ZCWPW1: variants seen among roughly 807,000 people sequenced by gnomAD.
The protein encoded by ZCWPW1 is zinc finger CW-type and PWWP domain containing 1.
ZCWPW1 carries 56 observed loss-of-function variants against 81.3 expected under a neutral mutation model. The observed-to-expected ratio is 0.69, with a 90% CI of 0.56 to 0.86. The LOEUF (loss-of-function observed/expected upper bound fraction) is 0.86. Among genes scored for constraint, ZCWPW1 ranks in the 40% least tolerant of loss-of-function variants. The pLI, the probability that ZCWPW1 is intolerant of heterozygous loss-of-function variation, is 0.00. For missense variants in ZCWPW1, 650 were observed against 769.8 expected (o/e 0.84, Z 1.84); for synonymous variants, 250 against 273.7 (o/e 0.91, Z 0.86).
At position 100,406,230 on chromosome 7, in the gene ZCWPW1, G is replaced by C. The variant is rs529087474; in HGVS notation, c.1173+464C>G. 7.9e-5 allele frequency among the ~76,000 whole-genome samples: 12 copies of C among 152,292 alleles called. No individual in the cohort carries two copies. The South Asian group carries it at 8.3e-4, about 11-fold the overall frequency. On this transcript the variant is annotated intron_variant, in intron 12 of 17. Coordinates refer to ENST00000684423, the MANE Select transcript of ZCWPW1 (RefSeq NM_001386010.1). Reference sequence around the variant, plus strand: ...CAGAAGGCACCTGGCAATGGCTGGAGATAATTTTTTGGTTGTCACAACCAT... The same window carrying C: ...CAGAAGGCACCTGGCAATGGCTGGACATAATTTTTTGGTTGTCACAACCAT...
intron 8 of ZCWPW1, 139 bp downstream of exon 8, chr7:100,415,836 C>T (rs1026575762): frequency 6.0e-6 from 7 of 1,173,982 alleles, no homozygotes; most frequent in African/African-American, 1.5e-5. Flanking sequence ...ATTATTCTTT[C>T]GGCAGCATAT....
At chr7:100,415,194 C>T (rs1364756990) in intron 8 of ZCWPW1, among the ~76,000 whole-genome samples, 1 of 148,910 alleles carries the variant, frequency 6.7e-6, no homozygotes, top group African/African-American at 2.5e-5. Flanking sequence ...AGCGATTCTC[C>T]TGCCTCAGCC....
At chr7:100,408,942 G>A (rs1054338551) in intron 9 of ZCWPW1, among the ~76,000 whole-genome samples, 5 of 151,934 alleles carry the variant, frequency 3.3e-5, no homozygotes, top group Admixed American at 1.3e-4. Context: ...TTGCATGCCC[G>A]CGTGTCTGAC....
At chr7:100,422,388 G>C (rs553477049) in intron 2 of ZCWPW1, among the ~76,000 whole-genome samples, 1 of 152,298 alleles carries the variant, frequency 6.6e-6, no homozygotes, top group Admixed American at 6.5e-5. Flanking sequence ...GGACCAGGCT[G>C]CTCACAGCCA....
intron 2 of ZCWPW1, among the ~76,000 whole-genome samples, chr7:100,422,772 T>G: frequency 6.6e-6 from 1 of 152,160 alleles, no homozygotes; most frequent in Non-Finnish European, 1.5e-5. Flanking sequence ...TATTGTTCCC[T>G]TCTTTGTGTC....
rs369334842 is a variant in ZCWPW1 at position 100,426,620 on chromosome 7, CCTCCCTCCCTCTCACTTTTT to C, written c.-136-1504_-136-1485del. Among the ~76,000 whole-genome samples, 1,349 of 150,878 alleles carry C rather than the reference CCTCCCTCCCTCTCACTTTTT, an allele frequency of 8.9e-3. 24 individuals carry two copies. The highest frequency in any genetic ancestry group is 0.031 in the African/African-American group (1,271 of 40,966). On this transcript the variant is annotated intron_variant, in intron 1 of 17. Transcript: ENST00000684423. ...TGCCTCAATTAACTAATAGCAGTTT[CCTCCCTCCCTCTCACTTTTT>C]CTCCCTCCCTCTCTCCCTCCTTTAC...
At position 100,402,558 on chromosome 7, in the gene ZCWPW1, G is replaced by A. The variant is rs541595434; in HGVS notation, c.1432C>T (p.Arg478Cys). The change falls in exon 16 of 18, where the codon CGT (arginine) becomes TGT (cysteine). Residue 478 changes from arginine (R) to cysteine (C), a missense_variant. By Grantham distance (180) the Arg-to-Cys change is radical (BLOSUM62 -3). Transcript: ENST00000684423. ...GEKTDPILPI[R>C]KRVKIQTQKT... is the part of the protein sequence containing the mutation. ...TGGGTCTGTATTTTGACTCGCTTAC[G>A]AATGGGCAAAATTGGGTCCTGAGGA... 16 of 1,614,094 alleles carry A rather than the reference G, an allele frequency of 9.9e-6. No individual in the cohort carries two copies. Among genetic ancestry groups the A allele is most frequent in the Admixed American group, 1.7e-5 (1 of 60,002 alleles).
chr7:100,402,516 C>T lies in ZCWPW1; in HGVS notation c.1474G>A (p.Gly492Arg), dbSNP rs867660952. The T allele has an allele frequency of 3.7e-6, 6 of 1,614,070 alleles. No individual in the cohort carries two copies. The highest frequency in any genetic ancestry group is 5.1e-6 in the Non-Finnish European group (6 of 1,180,018). Residue 492 changes from glycine (G) to arginine (R), a missense_variant and splice_region_variant, in exon 16 of 18, where the codon GGG (glycine) becomes AGG (arginine). By Grantham distance (125) the Gly-to-Arg change is moderately radical. Coordinates refer to ENST00000684423, the MANE Select transcript of ZCWPW1 (RefSeq NM_001386010.1). ...CTCCATTTCCAGCTGGCCTGCTTAC[C>T]TCTTGGCTTGGTTTTTTGGGTCTGT... ...KIQTQKTKPR[G>R]LGGDAGTADG...
chr7:100,411,657 T>C (rs1169759346), intron 8 of ZCWPW1, among the ~76,000 whole-genome samples: 2 of 152,114 alleles, frequency 1.3e-5, no homozygotes, highest in African/African-American at 4.8e-5. Flanking sequence ...TTTGGATGTT[T>C]ACAGAGGTGA....
intron 10 of ZCWPW1, 26 bp from the exon 11 acceptor site, chr7:100,407,329 G>A: frequency 6.3e-7 from 1 of 1,598,768 alleles, no homozygotes; most frequent in Non-Finnish European, 8.6e-7. Flanking sequence ...GGGTGTAGGG[G>A]ACAGAAGAGA....
At chr7:100,413,320 T>C (rs1283407106) in intron 8 of ZCWPW1, among the ~76,000 whole-genome samples, 1 of 152,238 alleles carries the variant, frequency 6.6e-6, no homozygotes, top group East Asian at 1.9e-4. Flanking sequence ...TGCCTCCCCT[T>C]GCTCTCTGAG....
intron 2 of ZCWPW1, among the ~76,000 whole-genome samples, chr7:100,422,769 C>T (rs1042000670): frequency 6.6e-6 from 1 of 152,106 alleles, no homozygotes; most frequent in Non-Finnish European, 1.5e-5. Flanking sequence ...GTCTATTGTT[C>T]CCTTCTTTGT....
intron 5 of ZCWPW1, chr7:100,417,437 G>A: frequency 2.4e-6 from 1 of 408,290 alleles, no homozygotes; most frequent in Non-Finnish European, 4.4e-6. Context: ...AAAATTATAG[G>A]CCAGGCATGG....
chr7:100,404,336 CTGATT>C, intron 13 of ZCWPW1, 92 bp from the exon 14 acceptor site: 1 of 1,173,880 alleles, frequency 8.5e-7, no homozygotes, highest in Non-Finnish European at 1.2e-6. Flanking sequence ...TGATGAAATT[CTGATT>C]CATTTTCCAT....
At chr7:100,402,146 GT>G in intron 16 of ZCWPW1, 105 bp from the exon 17 acceptor site, 1 of 1,421,418 alleles carries the variant, frequency 7.0e-7, no homozygotes, top group Non-Finnish European at 9.5e-7. Context: ...CTTCTGCTCA[GT>G]TGCAATCTAG....
At chr7:100,417,299 C>A in intron 5 of ZCWPW1, 116 bp from the exon 6 acceptor site, 1 of 668,074 alleles carries the variant, frequency 1.5e-6, no homozygotes, top group South Asian at 2.0e-5. Context: ...GCCTACCTGT[C>A]ATATCACAGA....
At chr7:100,410,711 C>T (rs758487414) in intron 8 of ZCWPW1, among the ~76,000 whole-genome samples, 1 of 152,220 alleles carries the variant, frequency 6.6e-6, no homozygotes, top group East Asian at 1.9e-4. Context: ...TCTGCAGGAA[C>T]TGCACACCCT....
intron 4 of ZCWPW1, 135 bp from the exon 5 acceptor site, chr7:100,419,324 G>T: frequency 1.3e-6 from 1 of 784,292 alleles, no homozygotes; most frequent in Non-Finnish European, 2.0e-6. Context: ...TACCTAAGGA[G>T]GCCATGAACT....
rs867463264 is a variant in ZCWPW1, at chr7:100,426,526, C to T, written c.-136-1390G>A. 1.7e-4 allele frequency among the ~76,000 whole-genome samples: 25 copies of T among 148,628 alleles called. No individual in the cohort carries two copies. In the South Asian group the frequency reaches 3.8e-3, roughly 23 times the overall value. On this transcript the variant is annotated intron_variant, in intron 1 of 17. Coordinates refer to ENST00000684423, the MANE Select transcript of ZCWPW1 (RefSeq NM_001386010.1). ...AAAAAAAAAAAAGTATATTTCAAAT[C>T]TTTTTTAAGCCAGAGTCTGATCTTC...
Sources: allele counts gnomAD v4.1 joint callset (sites outside exome capture counted in the v4.1 genomes callset), GRCh38; gene constraint gnomAD v4.1.1; transcripts MANE v1.5; gene names NCBI Gene and HGNC (gene_info 2026-07-23, HGNC 2026-07-21).